The following KRT85 variants were observed in gnomAD, a reference collection of about 807,000 sequenced individuals.
KRT85 encodes keratin 85.
Under a neutral mutation model 53.7 loss-of-function variants are expected in KRT85, and 39 were observed. That is an observed-to-expected ratio of 0.73 (90% CI 0.56 to 0.95). The LOEUF (loss-of-function observed/expected upper bound fraction) is 0.95. Among genes scored for constraint, KRT85 ranks in the 40% least tolerant of loss-of-function variants. KRT85 has a pLI of 0.00. For synonymous variants in KRT85, 291 were observed against 277.5 expected (o/e 1.05, Z -0.48); for missense variants, 668 against 686.0 (o/e 0.97, Z 0.29).
In KRT85 at chr12:52,360,863, C is replaced by A. The variant is rs144071117; in HGVS notation, c.1514G>T (p.Arg505Leu). Residue 505 changes from arginine to leucine, a missense_variant, in exon 9 of 9, where the codon CGC (arginine) becomes CTC (leucine). By Grantham distance (102) the Arg-to-Leu change is moderately radical. Around this residue, in one of 3 missense-constraint regions of KRT85, gnomAD observed 488 missense variants for 498.1 expected, o/e 0.98. Transcript: ENST00000257901. The part of the protein sequence containing the change: ...SFSCGSSRSV[R>L]FA Reference sequence around the variant, plus strand: ...GGCTCCATGACTCTACTAGGCAAAGCGGACCGACCGGCTACTCCCGCAGCT... The same window carrying A: ...GGCTCCATGACTCTACTAGGCAAAGAGGACCGACCGGCTACTCCCGCAGCT... 4 of 1,612,108 alleles carry A rather than the reference C, an allele frequency of 2.5e-6. No individual in the cohort carries two copies. In the South Asian group the frequency reaches 4.4e-5, roughly 18 times the overall value.
chr12:52,362,052 C>T (rs1164942079), intron 7 of KRT85, among the ~76,000 whole-genome samples, 199 bp downstream of exon 7: 1 of 152,180 alleles, frequency 6.6e-6, no homozygotes. Flanking sequence ...CCATATCTAT[C>T]TTATTGGATT....
chr12:52,366,190 C>T (rs1228290722), intron 1 of KRT85, among the ~76,000 whole-genome samples: 1 of 152,254 alleles, frequency 6.6e-6, no homozygotes, highest in East Asian at 1.9e-4. Context: ...GCCTGGCCAC[C>T]TCCCTGTCTG....
chr12:52,365,651 AT>A (rs1484948127), intron 1 of KRT85, among the ~76,000 whole-genome samples: 2 of 152,176 alleles, frequency 1.3e-5, no homozygotes, highest in Non-Finnish European at 2.9e-5. Context: ...CTGTGGTAAG[AT>A]ATACACATCC....
chr12:52,364,068 C>T lies in KRT85; in HGVS notation c.786G>A (p.Glu262=). ...GGCTGGGTGGCAGTTGCCCCCTTAC[C>T]TCTTCATAGAGGCGCCTCAGGAAGC... The part of the protein sequence containing the change: ...ESSFLRRLYE[E]EIRVLQAHIS... Residue 262 remains glutamate (E), a splice_region_variant and synonymous_variant, in exon 4 of 9, where the codon GAG becomes GAA. Transcript: ENST00000257901. The T allele has an allele frequency of 1.2e-6, 2 of 1,613,132 alleles. No homozygotes were observed. Among genetic ancestry groups the T allele is most frequent in the African/African-American group, 1.3e-5 (1 of 75,028 alleles).
chr12:52,363,446 G>T (rs1052266070), intron 4 of KRT85, 36 bp from the exon 5 acceptor site: 2 of 1,613,248 alleles, frequency 1.2e-6, no homozygotes, highest in Admixed American at 3.3e-5. Context: ...TGCTTCTAGT[G>T]CCTGATCTGG....
At chr12:52,364,691 G>C in intron 2 of KRT85, 1 of 1,430,644 alleles carries the variant, frequency 7.0e-7, no homozygotes, top group Non-Finnish European at 9.1e-7. Flanking sequence ...ATAAAGGTAA[G>C]CTGTGAAGGA....
rs1939187966 is a variant in KRT85, at chr12:52,361,336, G to A, written c.1330+131C>T. 8.0e-6 allele frequency: 7 copies of A among 871,372 alleles called. No individual in the cohort carries two copies. In the Admixed American group the frequency reaches 1.2e-4, roughly 15 times the overall value. The allele number at this position is 871,372 out of a possible 1,614,324, so 54.0% of individuals were successfully genotyped here. On this transcript the variant is annotated intron_variant, in intron 8 of 8. Transcript: ENST00000257901. ...TCAGCTTTCTCTAACACCTGTCATG[G>A]CCCCCACTGAGGAGCCAGGGGAGGG...
chr12:52,366,874 A>G, intron 1 of KRT85, 112 bp downstream of exon 1: 1 of 1,570,732 alleles, frequency 6.4e-7, no homozygotes, highest in Non-Finnish European at 8.8e-7. Context: ...TCTGCACGTC[A>G]TTCCCTCTGC....
intron 8 of KRT85, 104 bp downstream of exon 8, chr12:52,361,363 G>T: frequency 9.2e-7 from 1 of 1,086,014 alleles, no homozygotes; most frequent in Non-Finnish European, 1.4e-6. Flanking sequence ...AGGGGAGGGT[G>T]AAACAGTTGG....
At chr12:52,365,857 C>T (rs975526834) in intron 1 of KRT85, among the ~76,000 whole-genome samples, 7 of 152,194 alleles carry the variant, frequency 4.6e-5, no homozygotes, top group African/African-American at 1.7e-4. Flanking sequence ...TACAGCATGT[C>T]TGAGATGCTC....
In KRT85 at chr12:52,367,126, A is replaced by T. The variant is rs771243630; in HGVS notation, c.280T>A (p.Cys94Ser). ...SGGVCGPSPP[C>S]ITTVSVNESL... Reference sequence around the variant, plus strand: ...TCGTTGACCGACACGGTAGTGATGCATGGGGGGCTGGGTCCGCACACGCCC... The same window carrying T: ...TCGTTGACCGACACGGTAGTGATGCTTGGGGGGCTGGGTCCGCACACGCCC... The change falls in exon 1 of 9, where the codon TGC becomes AGC. Residue 94 changes from cysteine to serine, a missense_variant. By Grantham distance (112) the Cys-to-Ser change is moderately radical. Around this residue, in one of 3 missense-constraint regions of KRT85, gnomAD observed 158 missense variants for 141.8 expected, o/e 1.11. Coordinates refer to ENST00000257901, the MANE Select transcript of KRT85 (RefSeq NM_002283.4). 6.2e-7 allele frequency: 1 copy of T among 1,613,402 alleles called. No individual in the cohort carries two copies. Among genetic ancestry groups the T allele is most frequent in the Non-Finnish European group, 8.5e-7 (1 of 1,179,978 alleles).
rs770775869 is a variant in KRT85, at chr12:52,360,966, G to A, written c.1411C>T (p.Pro471Ser). 5.0e-6 allele frequency: 8 copies of A among 1,613,346 alleles called. No homozygotes were observed. The highest frequency in any genetic ancestry group is 6.8e-6 in the Non-Finnish European group (8 of 1,179,954). The change falls in exon 9 of 9, where the codon CCC (proline) becomes TCC (serine). Residue 471 changes from proline to serine, a missense_variant. By Grantham distance (74) the Pro-to-Ser change is moderately conservative (BLOSUM62 -1). Transcript: ENST00000257901. ...TTPGRQITSG[P>S]SAIGGSITVV... ...GTGATGCTGCCGCCTATGGCTGAGG[G>A]GCCAGAAGTGATCTGGCGCCCTGGG...
Position 52,363,425 on chromosome 12 carries a change from G to A in KRT85, c.787-15C>T. The A allele has an allele frequency of 1.9e-6, 3 of 1,614,130 alleles. No individual in the cohort carries two copies. Among genetic ancestry groups the A allele is most frequent in the Non-Finnish European group, 2.5e-6 (3 of 1,180,010 alleles). ...ACGCGGATCTCCTGTGGGGCCAACAGCCAGTGCATTTGCTTCTAGTGCCTG... is the reference window on the plus strand; with the variant it reads ...ACGCGGATCTCCTGTGGGGCCAACAACCAGTGCATTTGCTTCTAGTGCCTG... On this transcript the variant is annotated splice_polypyrimidine_tract_variant and intron_variant, in intron 4 of 8. Coordinates refer to ENST00000257901, the MANE Select transcript of KRT85 (RefSeq NM_002283.4).
intron 1 of KRT85, among the ~76,000 whole-genome samples, chr12:52,365,551 A>T (rs532384206): frequency 1.3e-5 from 2 of 152,338 alleles, no homozygotes; most frequent in South Asian, 2.1e-4. Context: ...TGCTCAGTCT[A>T]TTTAACTATT....
At chr12:52,364,543 C>T in intron 2 of KRT85, 177 bp from the exon 3 acceptor site, 2 of 1,474,336 alleles carry the variant, frequency 1.4e-6, no homozygotes, top group Non-Finnish European at 1.8e-6. Context: ...CCTAGCCTGG[C>T]TTCATTCCGC....
At chr12:52,363,935 A>G in intron 4 of KRT85, 133 bp downstream of exon 4, 2 of 794,348 alleles carry the variant, frequency 2.5e-6, no homozygotes, top group Non-Finnish European at 4.5e-6. Flanking sequence ...CCCAGCACGT[A>G]TGTGCAAGCT....
In KRT85 at chr12:52,364,554, C is replaced by T. The variant is rs1044658409; in HGVS notation, c.630-188G>A. 2.5e-5 allele frequency: 37 copies of T among 1,465,768 alleles called. No individual in the cohort carries two copies. In the Admixed American group the frequency reaches 2.9e-4, roughly 11 times the overall value. 90.8% of individuals were successfully genotyped at this position (1,465,768 alleles called of 1,614,324 possible). ...TTGTCCTAGCCTGGCTTCATTCCGC[C>T]GCAGTCCTTCTGCCTCTGAGATGGG... On this transcript the variant is annotated intron_variant, in intron 2 of 8. Coordinates refer to ENST00000257901, the MANE Select transcript of KRT85 (RefSeq NM_002283.4).
chr12:52,365,234 G>A, intron 1 of KRT85, 64 bp from the exon 2 acceptor site: 1 of 1,546,450 alleles, frequency 6.5e-7, no homozygotes, highest in Non-Finnish European at 8.9e-7. Context: ...GTCCCCCACA[G>A]TCTCTCTGCC....
chr12:52,360,696 G>C lies in KRT85; in HGVS notation c.*157C>G. The C allele has an allele frequency of 1.2e-6, 1 of 804,130 alleles. No individual in the cohort carries two copies. The highest frequency in any genetic ancestry group is 2.1e-6 in the Non-Finnish European group (1 of 487,342). The allele number at this position is 804,130 out of a possible 1,614,324, so 49.8% of individuals were successfully genotyped here. ...TCTCCCTAGCATGAAAAGGCGCAGG[G>C]GAGCGGCCCGAGGGTCTTTCCCTCT... On this transcript the variant is annotated 3_prime_UTR_variant, in exon 9 of 9. Transcript: ENST00000257901.
Sources: gnomAD v4.1 joint callset for allele counts (sites outside exome capture counted in the v4.1 genomes callset) on GRCh38, gnomAD v4.1.1 for gene constraint, gnomAD v4.1.1 regional missense constraint, MANE v1.5 for transcripts, NCBI Gene and HGNC (gene_info 2026-07-23, HGNC 2026-07-21) for gene names.